The following FRMD4A variants were observed in gnomAD, a reference collection of about 807,000 sequenced individuals.
The protein encoded by FRMD4A is FERM domain-containing protein 4A.
FRMD4A carries 29 observed loss-of-function variants against 129.1 expected under a neutral mutation model. The ratio of observed to expected loss-of-function variants is 0.22; its 90% CI spans 0.17 to 0.31. The LOEUF (loss-of-function observed/expected upper bound fraction) is 0.31, where lower values mean the gene tolerates loss of function less well. Among genes scored for constraint, FRMD4A ranks in the 10% least tolerant of loss-of-function variants. The pLI, the probability that FRMD4A is intolerant of heterozygous loss-of-function variation, is 1.00. For missense variants in FRMD4A, 1,272 were observed against 1,375.8 expected (o/e 0.92, Z 1.19); for synonymous variants, 634 against 571.6 (o/e 1.11, Z -1.56).
intron 2 of FRMD4A, among the ~76,000 whole-genome samples, chr10:14,202,751 G>A (rs1842676158): frequency 6.6e-6 from 1 of 152,016 alleles, no homozygotes; most frequent in African/African-American, 2.4e-5. Context: ...ATAACTGGAT[G>A]TTCTCTCTTT....
intron 2 of FRMD4A, among the ~76,000 whole-genome samples, chr10:14,317,944 C>G (rs902614841): frequency 6.6e-6 from 1 of 152,082 alleles, no homozygotes; most frequent in Non-Finnish European, 1.5e-5. Context: ...AAAGGATGTA[C>G]ACTCAAAGGA....
chr10:13,950,569 A>C (rs1283051647), intron 2 of FRMD4A, among the ~76,000 whole-genome samples: 1 of 152,198 alleles, frequency 6.6e-6, no homozygotes, highest in Non-Finnish European at 1.5e-5. Context: ...AGAAGGAGCA[A>C]GTGAGGTGGG....
Position 13,796,577 on chromosome 10 carries a change from T to C in FRMD4A, c.218A>G (p.Asn73Ser), listed in dbSNP as rs763078608. The change falls in exon 5 of 25, where the codon AAC (asparagine) becomes AGC (serine). Residue 73 changes from asparagine (N) to serine (S), a missense_variant. This residue lies in a region of FRMD4A where 300 missense variants were observed against 483.6 expected (regional missense o/e 0.62). Transcript: ENST00000357447. ...TACTCTTCGATCTAGCTGAAGCCAG[T>C]TTAAGTGTCCCCTGAAGAAAATAGA... is the stretch of plus-strand genomic sequence containing the variant. ...IAFTDETGHLNWLQLDRRVLE... is the reference protein window; with the variant it reads ...IAFTDETGHLSWLQLDRRVLE... 3.8e-6 allele frequency: 6 copies of C among 1,585,008 alleles called. No individual in the cohort carries two copies. The highest frequency in any genetic ancestry group is 5.2e-6 in the Non-Finnish European group (6 of 1,153,692).
At chr10:13,935,834 A>G (rs2095244954) in intron 2 of FRMD4A, among the ~76,000 whole-genome samples, 4 of 152,178 alleles carry the variant, frequency 2.6e-5, no homozygotes, top group Admixed American at 2.6e-4. Context: ...ATTCCCTCAA[A>G]ACATGCCTTC....
At chr10:13,859,245 G>A (rs1383371241) in intron 2 of FRMD4A, among the ~76,000 whole-genome samples, 3 of 152,032 alleles carry the variant, frequency 2.0e-5, no homozygotes, top group Non-Finnish European at 4.4e-5. Context: ...TTAGCCGGGC[G>A]TGGTGGTGCA....
intron 2 of FRMD4A, among the ~76,000 whole-genome samples, chr10:13,980,701 C>T (rs1204600597): frequency 6.6e-6 from 1 of 152,160 alleles, no homozygotes; most frequent in Admixed American, 6.5e-5. Context: ...GCTTGGGCAA[C>T]AGAGTGAGAC....
chr10:14,306,042 G>C (rs952045915), intron 2 of FRMD4A, among the ~76,000 whole-genome samples: 1 of 152,122 alleles, frequency 6.6e-6, no homozygotes, highest in East Asian at 1.9e-4. Flanking sequence ...TTAATACCTA[G>C]GTGATGGGAT....
At chr10:13,904,526 G>C (rs2094858511) in intron 2 of FRMD4A, among the ~76,000 whole-genome samples, 1 of 152,224 alleles carries the variant, frequency 6.6e-6, no homozygotes, top group South Asian at 2.1e-4. Flanking sequence ...TTCAAAGACA[G>C]GCATCACGGC....
intron 2 of FRMD4A, among the ~76,000 whole-genome samples, chr10:13,980,049 G>A (rs2131401602): frequency 6.6e-6 from 1 of 152,338 alleles, no homozygotes; most frequent in East Asian, 1.9e-4. Flanking sequence ...GAATGGAGAG[G>A]CTGCACTAAT....
chr10:13,812,450 C>G (rs2093465505), intron 3 of FRMD4A, among the ~76,000 whole-genome samples: 1 of 152,152 alleles, frequency 6.6e-6, no homozygotes, highest in East Asian at 1.9e-4. Context: ...ATGCTGGCAC[C>G]CTGATATTGA....
intron 2 of FRMD4A, among the ~76,000 whole-genome samples, chr10:14,060,575 T>G (rs1834761428): frequency 6.6e-6 from 1 of 152,218 alleles, no homozygotes; most frequent in African/African-American, 2.4e-5. Flanking sequence ...ACTGGGCCTA[T>G]TTTATTTCTG....
intron 2 of FRMD4A, among the ~76,000 whole-genome samples, chr10:14,118,875 A>C (rs1244413733): frequency 2.6e-5 from 4 of 152,112 alleles, no homozygotes; most frequent in African/African-American, 7.2e-5. Context: ...AAACCATATC[A>C]CTGACTATAT....
chr10:14,210,418 A>C (rs569666709), intron 2 of FRMD4A, among the ~76,000 whole-genome samples: 2 of 152,178 alleles, frequency 1.3e-5, no homozygotes, highest in African/African-American at 4.8e-5. Flanking sequence ...GTTTTGTTAC[A>C]GCAGCCCAAA....
At chr10:14,214,683 C>T (rs889589128) in intron 2 of FRMD4A, among the ~76,000 whole-genome samples, 2 of 152,060 alleles carry the variant, frequency 1.3e-5, no homozygotes, top group Admixed American at 1.3e-4. Context: ...TGTTTATAGT[C>T]CTATTTTCTA....
At chr10:13,768,981 C>T (rs2092371879) in intron 6 of FRMD4A, among the ~76,000 whole-genome samples, 1 of 138,776 alleles carries the variant, frequency 7.2e-6, no homozygotes, top group Non-Finnish European at 1.5e-5. Context: ...GGAAACTTTA[C>T]TAGATTTTTT....
chr10:14,129,538 A>AG (rs1019882542), intron 2 of FRMD4A, among the ~76,000 whole-genome samples: 1 of 151,708 alleles, frequency 6.6e-6, no homozygotes, highest in African/African-American at 2.4e-5. Context: ...ATGCCCTGCT[A>AG]GGAAAAAAAA....
intron 2 of FRMD4A, among the ~76,000 whole-genome samples, chr10:14,139,965 T>A (rs563741293): frequency 2.9e-4 from 44 of 152,368 alleles, no homozygotes; most frequent in Middle Eastern, 6.8e-3. Context: ...GTATTTTCTT[T>A]ATAATTCACA....
At chr10:13,881,363 C>T (rs1451430184) in intron 2 of FRMD4A, among the ~76,000 whole-genome samples, 1 of 151,878 alleles carries the variant, frequency 6.6e-6, no homozygotes. Flanking sequence ...TTCAAGGCTA[C>T]AGTGAGCTAT....
At chr10:14,076,701 G>T (rs191225051) in intron 2 of FRMD4A, among the ~76,000 whole-genome samples, 220 of 152,256 alleles carry the variant, frequency 1.4e-3, no homozygotes, top group African/African-American at 4.9e-3. Flanking sequence ...GTGGGGGAAA[G>T]GGTCAACGTG....
Sources: allele counts gnomAD v4.1 joint callset (sites outside exome capture counted in the v4.1 genomes callset), GRCh38; gene constraint gnomAD v4.1.1; regional missense constraint gnomAD v4.1.1; transcripts MANE v1.5; gene names NCBI Gene and HGNC (gene_info 2026-07-23, HGNC 2026-07-21).